RIOK3: variants seen among roughly 807,000 people sequenced by gnomAD.
The protein encoded by RIOK3 is RIO kinase 3.
RIOK3 carries 40 observed loss-of-function variants against 63.5 expected under a neutral mutation model. The observed-to-expected ratio is 0.63, with a 90% CI of 0.49 to 0.82. The LOEUF (loss-of-function observed/expected upper bound fraction) is 0.82, where lower values mean the gene tolerates loss of function less well. Among genes scored for constraint, RIOK3 ranks in the 40% least tolerant of loss-of-function variants. The pLI is 0.00. For missense variants in RIOK3, 557 were observed against 637.0 expected (o/e 0.87, Z 1.35); for synonymous variants, 193 against 205.0 (o/e 0.94, Z 0.50).
At chr18:23,473,744 A>T in intron 8 of RIOK3, 118 bp downstream of exon 8, 5 of 700,656 alleles carry the variant, frequency 7.1e-6, no homozygotes, top group Admixed American at 3.5e-5. Flanking sequence ...CAGGTGTATA[A>T]CCTCGATTCA....
intron 11 of RIOK3, 132 bp from the exon 12 acceptor site, chr18:23,479,183 CTG>C (rs45523933): frequency 0.033 from 15,750 of 475,662 alleles, no homozygotes; most frequent in East Asian, 0.041. Context: ...GTTGAAATTA[CTG>C]TGTGTGTGTG....
chr18:23,479,291 C>T (rs374385713), intron 11 of RIOK3, 26 bp from the exon 12 acceptor site: 16 of 1,424,260 alleles, frequency 1.1e-5, no homozygotes, highest in Admixed American at 3.4e-5. Context: ...ATACTTCTTA[C>T]TGACTTTCTT....
chr18:23,456,904 G>A (rs930995501), intron 1 of RIOK3, among the ~76,000 whole-genome samples: 5 of 152,148 alleles, frequency 3.3e-5, no homozygotes, highest in African/African-American at 1.2e-4. Flanking sequence ...TAAGAGCGTA[G>A]TAGAAATACT....
intron 1 of RIOK3, among the ~76,000 whole-genome samples, chr18:23,460,811 GA>G (rs1236620249): frequency 3.1e-4 from 47 of 152,296 alleles, no homozygotes. Flanking sequence ...CCAGATGATA[GA>G]AAGCTTCAAG....
intron 1 of RIOK3, among the ~76,000 whole-genome samples, chr18:23,455,883 C>T (rs950094574): frequency 2.0e-5 from 3 of 152,132 alleles, no homozygotes; most frequent in Admixed American, 6.5e-5. Context: ...CTGCAACCTC[C>T]GCCTCCTGGG....
intron 12 of RIOK3, 40 bp from the exon 13 acceptor site, chr18:23,481,131 GT>G (rs1230308531): frequency 7.2e-7 from 1 of 1,397,756 alleles, no homozygotes; most frequent in African/African-American, 1.4e-5. Flanking sequence ...TCTGTGAAAA[GT>G]AGGATTTTGA....
In RIOK3 at chr18:23,471,367, G is replaced by A. The variant is rs148591096; in HGVS notation, c.816-2062G>A. Among the ~76,000 whole-genome samples the A allele has an allele frequency of 2.6e-5, 4 of 152,284 alleles. No individual in the cohort carries two copies. The East Asian group carries it at 7.7e-4, about 29-fold the overall frequency. ...AGGTACAAAGTTAGTATCTTTGAGG[G>A]AAGCGTAAGAAACCCAGTCTCCCTG... is the stretch of plus-strand genomic sequence containing the variant. On this transcript the variant is annotated intron_variant, in intron 7 of 12. Transcript: ENST00000339486.
In RIOK3 at chr18:23,462,835, A is replaced by G. The variant is rs1598805368; in HGVS notation, c.64-129A>G. The G allele has an allele frequency of 6.5e-6, 3 of 462,020 alleles. No individual in the cohort carries two copies. In the East Asian group the frequency reaches 1.1e-4, roughly 17 times the overall value. 28.6% of individuals were successfully genotyped at this position (462,020 alleles called of 1,614,324 possible). ...TTTTACTTTTGAGATGATTTCTGCAAATAGCTAGTTATTCATTTCTGGTTT... is the reference window on the plus strand; with the variant it reads ...TTTTACTTTTGAGATGATTTCTGCAGATAGCTAGTTATTCATTTCTGGTTT... On this transcript the variant is annotated intron_variant, in intron 1 of 12. Coordinates refer to ENST00000339486, the MANE Select transcript of RIOK3 (RefSeq NM_003831.5).
intron 11 of RIOK3, among the ~76,000 whole-genome samples, chr18:23,478,594 A>C (rs1234963564): frequency 9.0e-6 from 1 of 111,384 alleles, no homozygotes; most frequent in Non-Finnish European, 1.9e-5. Context: ...CCTGTCTCTT[A>C]AAAAAACAAA....
chr18:23,481,317 A>G lies in RIOK3; in HGVS notation c.*38A>G. ...CTGCTTCAGTGTTAACACAGCAGTG[A>G]TTGTCAGCTGCCAATAGCAAATGAA... On this transcript the variant is annotated 3_prime_UTR_variant, in exon 13 of 13. Transcript: ENST00000339486. 1.6e-6 allele frequency: 2 copies of G among 1,254,592 alleles called. No homozygotes were observed. Among genetic ancestry groups the G allele is most frequent in the Non-Finnish European group, 2.2e-6 (2 of 894,628 alleles). 77.7% of individuals were successfully genotyped at this position (1,254,592 alleles called of 1,614,324 possible).
intron 7 of RIOK3, among the ~76,000 whole-genome samples, 154 bp from the exon 8 acceptor site, chr18:23,473,275 C>G (rs575339417): frequency 2.0e-4 from 30 of 152,170 alleles, no homozygotes; most frequent in African/African-American, 7.2e-4. Flanking sequence ...AAACCTAAGG[C>G]TTTATTAAGA....
chr18:23,474,894 A>G (rs920157143), intron 8 of RIOK3, 54 bp from the exon 9 acceptor site: 7 of 1,325,336 alleles, frequency 5.3e-6, no homozygotes, highest in Admixed American at 1.9e-5. Context: ...TGAATAAATG[A>G]CATATTTTCT....
At chr18:23,461,214 C>T (rs1463976334) in intron 1 of RIOK3, among the ~76,000 whole-genome samples, 1 of 152,178 alleles carries the variant, frequency 6.6e-6, no homozygotes, top group African/African-American at 2.4e-5. Context: ...ACTAGAGGGC[C>T]TATACTGGCT....
In RIOK3 at chr18:23,482,513, GAA is replaced by G. The variant is rs35547628; in HGVS notation, c.*1248_*1249del. On this transcript the variant is annotated 3_prime_UTR_variant, in exon 13 of 13. Coordinates refer to ENST00000339486, the MANE Select transcript of RIOK3 (RefSeq NM_003831.5). Reference sequence around the variant, plus strand: ...TGACAGAGGGAAACTCCATCTCCAGGAAAAAAAAAAAAAAACCCAATTTGGAT... The same window carrying G: ...TGACAGAGGGAAACTCCATCTCCAGGAAAAAAAAAAAAACCCAATTTGGAT... The G allele has an allele frequency of 0.2, 29,362 of 144,078 alleles. 4,321 individuals carry two copies. The highest frequency in any genetic ancestry group is 0.38 in the African/African-American group (14,853 of 39,476). 8.9% of individuals were successfully genotyped at this position (144,078 alleles called of 1,614,324 possible). A position where few individuals can be genotyped will look rare whatever the true frequency, so the allele number is the denominator to read the frequency against.
intron 9 of RIOK3, among the ~76,000 whole-genome samples, chr18:23,476,313 A>C (rs564353408): frequency 6.6e-6 from 1 of 152,304 alleles, no homozygotes; most frequent in South Asian, 2.1e-4. Flanking sequence ...CTGTGTTTTA[A>C]TTGAACACTG....
At chr18:23,455,847 G>T (rs1598801108) in intron 1 of RIOK3, among the ~76,000 whole-genome samples, 1 of 150,088 alleles carries the variant, frequency 6.7e-6, no homozygotes, top group African/African-American at 2.5e-5. Context: ...CACCAGGCTG[G>T]AGAGCAGTGG....
At chr18:23,462,142 ATT>A (rs368584198) in intron 1 of RIOK3, among the ~76,000 whole-genome samples, 1 of 112,846 alleles carries the variant, frequency 8.9e-6, no homozygotes. Flanking sequence ...TGTTCTTGCT[ATT>A]TTTTTTTTTT....
chr18:23,464,099 T>G lies in RIOK3; in HGVS notation c.312T>G (p.Asn104Lys), dbSNP rs1336328055. The change falls in exon 3 of 13, where the codon AAT (asparagine) becomes AAG (lysine). Residue 104 changes from asparagine (N) to lysine (K), a missense_variant. By Grantham distance (94) the Asn-to-Lys change is moderately conservative. Around this residue, in one of 3 missense-constraint regions of RIOK3, gnomAD observed 243 missense variants for 275.4 expected, o/e 0.88. Transcript: ENST00000339486. ...TTAGGCGTGAAGAAAAAAAATTCAA[T>G]GGAGATAGCAAAGGTATTATAACCT... The part of the protein sequence containing the change: ...AQLRREEKKF[N>K]GDSKVSISFE... 1 of 1,610,482 alleles carries G rather than the reference T, an allele frequency of 6.2e-7. No individual in the cohort carries two copies. The highest frequency in any genetic ancestry group is 8.5e-7 in the Non-Finnish European group (1 of 1,178,716).
In RIOK3 at chr18:23,453,653, CG is replaced by C. The variant is rs1052258123; in HGVS notation, c.63+154del. On this transcript the variant is annotated intron_variant, in intron 1 of 12. Coordinates refer to ENST00000339486, the MANE Select transcript of RIOK3 (RefSeq NM_003831.5). ...AAGGGGGCACTGGCCGCGGGGGTGC[CG>C]GGATGGGGATGGAGGGAGCGGAAAG... is the stretch of plus-strand genomic sequence containing the variant. The C allele has an allele frequency of 1.7e-4, 119 of 704,786 alleles. 1 individual carries two copies. The African/African-American group carries it at 1.9e-3, about 11-fold the overall frequency. 43.7% of individuals were successfully genotyped at this position (704,786 alleles called of 1,614,324 possible).
Sources: allele counts gnomAD v4.1 joint callset (sites outside exome capture counted in the v4.1 genomes callset), GRCh38; gene constraint gnomAD v4.1.1; regional missense constraint gnomAD v4.1.1; transcripts MANE v1.5; gene names NCBI Gene and HGNC (gene_info 2026-07-23, HGNC 2026-07-21).